The following ZNF184 variants were observed in gnomAD, a reference collection of about 807,000 sequenced individuals.
ZNF184 encodes zinc finger protein 184 (Kruppel-like).
A neutral mutation model predicts 54.4 loss-of-function variants in ZNF184; 16 were observed. The observed-to-expected ratio is 0.29, with a 90% confidence interval of 0.20 to 0.45. The LOEUF (loss-of-function observed/expected upper bound fraction) is 0.45, where lower values mean the gene tolerates loss of function less well. Ranked by LOEUF, ZNF184 falls within the 20% of genes least tolerant of loss-of-function variation. The pLI is 1.00. For missense variants in ZNF184, 681 were observed against 888.2 expected (o/e 0.77, Z 2.97); for synonymous variants, 254 against 295.3 (o/e 0.86, Z 1.43).
At chr6:27,409,757 C>G in the ZNF184 span, among the ~76,000 whole-genome samples, 1 of 151,948 alleles carries the variant, frequency 6.6e-6, no homozygotes, top group Non-Finnish European at 1.5e-5. Context: ...TTTAGTGCAG[C>G]CTAATGTACA....
In ZNF184 at chr6:27,462,434, G is replaced by A. The variant is rs181974421; in HGVS notation, c.76-5025C>T. ...AGAATGATCTCGATCTGCTGACCTC[G>A]TGATCCACCCGCCTTGGCCTCCCAA... is the stretch of plus-strand genomic sequence containing the variant. On this transcript the variant is annotated intron_variant, in intron 3 of 5. Transcript: ENST00000683788. Among the ~76,000 whole-genome samples the A allele has an allele frequency of 1.4e-3, 211 of 151,792 alleles. 3 individuals carry two copies. Among genetic ancestry groups the A allele is most frequent in the South Asian group, 5.2e-3 (25 of 4,796 alleles).
chr6:27,454,532 T>A lies in ZNF184; in HGVS notation c.299-1272A>T, dbSNP rs1356163685. The stretch of plus-strand genomic sequence containing the variant: ...TTGCAAAGCAGGTAGCCATAAAGAA[T>A]ACCTCTGGAAGTACTTCACAATGAA... On this transcript the variant is annotated intron_variant, in intron 5 of 5. Coordinates refer to ENST00000683788, the MANE Select transcript of ZNF184 (RefSeq NM_001318891.2). 1.3e-5 allele frequency among the ~76,000 whole-genome samples: 2 copies of A among 152,150 alleles called. 1 individual carries two copies. Among genetic ancestry groups the A allele is most frequent in the Middle Eastern group, 6.3e-3 (2 of 316 alleles).
chr6:27,425,942 A>G, the ZNF184 span, among the ~76,000 whole-genome samples: 6 of 152,176 alleles, frequency 3.9e-5, no homozygotes, highest in African/African-American at 1.4e-4. Flanking sequence ...CCTGAGTCCA[A>G]AGACTGTGGT....
At chr6:27,411,631 G>A in the ZNF184 span, among the ~76,000 whole-genome samples, 1 of 152,234 alleles carries the variant, frequency 6.6e-6, no homozygotes, top group Non-Finnish European at 1.5e-5. Context: ...AGGAAGTCCG[G>A]ATAGAAGGCC....
Position 27,457,249 on chromosome 6 carries a change from C to T in ZNF184, c.202+34G>A, listed in dbSNP as rs776680383. On this transcript the variant is annotated intron_variant, in intron 4 of 5. Coordinates refer to ENST00000683788, the MANE Select transcript of ZNF184 (RefSeq NM_001318891.2). The stretch of plus-strand genomic sequence containing the variant: ...CAAGAGAGAACCCTCCTCCTGCACA[C>T]CCCTTGATATTAACTCAGAGAAATT... The T allele has an allele frequency of 1.6e-5, 25 of 1,609,822 alleles. No homozygotes were observed. In the East Asian group the frequency reaches 4.9e-4, roughly 32 times the overall value.
the ZNF184 span, among the ~76,000 whole-genome samples, chr6:27,413,766 A>T: frequency 6.6e-6 from 1 of 152,200 alleles, no homozygotes; most frequent in Non-Finnish European, 1.5e-5. Context: ...AACTTGACTT[A>T]CATCTTCTGT....
chr6:27,440,561 T>G, the ZNF184 span, among the ~76,000 whole-genome samples: 324 of 152,308 alleles, frequency 2.1e-3, 1 homozygote, highest in Non-Finnish European at 2.5e-3. Flanking sequence ...TTTACCTTGA[T>G]CATGATAATG....
the ZNF184 span, among the ~76,000 whole-genome samples, chr6:27,410,606 A>G: frequency 4.6e-5 from 7 of 152,098 alleles, no homozygotes; most frequent in African/African-American, 1.4e-4. Context: ...ATCTCAGCTC[A>G]CTGCAACCTC....
At chr6:27,425,812 T>TTAGTTTCC in the ZNF184 span, among the ~76,000 whole-genome samples, 162 of 152,318 alleles carry the variant, frequency 1.1e-3, no homozygotes, top group African/African-American at 3.7e-3. Flanking sequence ...GTTTCCACAG[T>TTAGTTTCC]ACCTCTGAAA....
chr6:27,454,167 C>T (rs1762799342), intron 5 of ZNF184, among the ~76,000 whole-genome samples: 1 of 152,148 alleles, frequency 6.6e-6, no homozygotes, highest in Admixed American at 6.5e-5. Flanking sequence ...GTAGTCAATG[C>T]TGGCAATATT....
the ZNF184 span, among the ~76,000 whole-genome samples, chr6:27,440,728 G>A: frequency 1.3e-5 from 2 of 152,130 alleles, no homozygotes; most frequent in Admixed American, 1.3e-4. Flanking sequence ...TGCAGGCCGG[G>A]CACGGTGGCT....
At chr6:27,459,830 T>TAA (rs1762953750) in intron 3 of ZNF184, among the ~76,000 whole-genome samples, 1 of 152,206 alleles carries the variant, frequency 6.6e-6, no homozygotes, top group Non-Finnish European at 1.5e-5. Flanking sequence ...TATAGATAGT[T>TAA]ATCAAATGAT....
At chr6:27,437,345 G>A in the ZNF184 span, among the ~76,000 whole-genome samples, 3 of 152,290 alleles carry the variant, frequency 2.0e-5, no homozygotes, top group East Asian at 1.9e-4. Flanking sequence ...GGAGGACTCC[G>A]TGGAAAGGAC....
the ZNF184 span, among the ~76,000 whole-genome samples, chr6:27,440,341 T>C: frequency 6.6e-6 from 1 of 152,212 alleles, no homozygotes; most frequent in Non-Finnish European, 1.5e-5. Flanking sequence ...AGCTCTCTGA[T>C]GTACAGAGAA....
the ZNF184 span, among the ~76,000 whole-genome samples, chr6:27,411,551 C>T: frequency 1.3e-5 from 2 of 152,184 alleles, no homozygotes; most frequent in Non-Finnish European, 2.9e-5. Context: ...GGTTGAATGT[C>T]TGATGAAAAT....
downstream of ZNF184, among the ~76,000 whole-genome samples, chr6:27,448,320 C>T (rs770433963): frequency 2.0e-5 from 3 of 152,180 alleles, no homozygotes; most frequent in African/African-American, 7.2e-5. Context: ...TACTTCCCAT[C>T]GTTTTGTCAA....
chr6:27,406,180 T>C, the ZNF184 span: 1 of 152,384 alleles, frequency 6.6e-6, no homozygotes, highest in African/African-American at 2.4e-5. Context: ...GGAGCAATGC[T>C]GATTGAGAAG....
chr6:27,468,227 A>G (rs536728566), intron 2 of ZNF184, among the ~76,000 whole-genome samples: 2 of 152,326 alleles, frequency 1.3e-5, no homozygotes, highest in East Asian at 3.9e-4. Context: ...TCTCTGCTAC[A>G]TATAAAATAT....
the ZNF184 span, among the ~76,000 whole-genome samples, chr6:27,419,269 G>A: frequency 4.6e-5 from 7 of 151,978 alleles, no homozygotes; most frequent in African/African-American, 9.7e-5. This position sits in a 1 kb window ranked among gnomAD's most constrained non-coding sequence, Gnocchi z 4.8. Context: ...CCACCTTGGC[G>A]AATTTCTTTC....
Sources: allele counts gnomAD v4.1 joint callset (sites outside exome capture counted in the v4.1 genomes callset), GRCh38; gene constraint gnomAD v4.1.1; non-coding constraint Gnocchi (gnomAD v3.1); transcripts MANE v1.5; gene names NCBI Gene and HGNC (gene_info 2026-07-23, HGNC 2026-07-21).